Variants in KAZN observed in about 807,000 individuals in gnomAD.
The protein encoded by KAZN is kazrin, periplakin interacting protein, also known as kazrin.
In KAZN, 40 loss-of-function variants were observed where a neutral mutation model predicts 87.4. The ratio of observed to expected loss-of-function variants is 0.46; its 90% CI spans 0.36 to 0.60. The LOEUF is 0.60. Ranked by LOEUF, KAZN falls within the 20% of genes least tolerant of loss-of-function variation. The probability of loss-of-function intolerance (pLI) is 0.00; values close to 1 mark genes in which losing one functional copy is unlikely to be tolerated. For synonymous variants in KAZN, 466 were observed against 458.3 expected (o/e 1.02, Z -0.22); for missense variants, 898 against 1,073.9 (o/e 0.84, Z 2.29).
intron 1 of KAZN, among the ~76,000 whole-genome samples, chr1:14,623,198 A>G (rs1189020164): frequency 6.6e-5 from 10 of 152,232 alleles, no homozygotes; most frequent in Non-Finnish European, 1.5e-5. Flanking sequence ...CACTATTCAC[A>G]ATAGCAAAGA....
intron 2 of KAZN, among the ~76,000 whole-genome samples, chr1:14,583,825 C>T (rs984274844): frequency 2.0e-5 from 3 of 152,136 alleles, no homozygotes; most frequent in Admixed American, 1.3e-4. Flanking sequence ...ACAAGCTAGA[C>T]ATTTGTATTC....
intron 2 of KAZN, among the ~76,000 whole-genome samples, chr1:14,257,954 A>C: frequency 7.3e-6 from 1 of 136,632 alleles, no homozygotes; most frequent in South Asian, 2.4e-4. Flanking sequence ...AAAAAAAAAA[A>C]ACATTAAAAA....
intron 1 of KAZN, among the ~76,000 whole-genome samples, chr1:14,639,293 T>TA (rs1680246138): frequency 1.3e-5 from 2 of 152,260 alleles, no homozygotes; most frequent in South Asian, 4.1e-4. Flanking sequence ...AATCTGTCAA[T>TA]ATCCCCACTG....
chr1:14,481,497 C>T (rs917858661), intron 2 of KAZN, among the ~76,000 whole-genome samples: 12 of 152,046 alleles, frequency 7.9e-5, no homozygotes, highest in Non-Finnish European at 1.6e-4. Flanking sequence ...ATCTCCTGAA[C>T]CTCAGAGGTC....
chr1:14,444,603 G>T (rs532872884), intron 2 of KAZN, among the ~76,000 whole-genome samples: 1 of 152,034 alleles, frequency 6.6e-6, no homozygotes, highest in Non-Finnish European at 1.5e-5. Context: ...GTGAGCCACC[G>T]CGTCCGGCCC....
chr1:14,647,904 G>C (rs1261833436), intron 1 of KAZN, among the ~76,000 whole-genome samples: 1 of 152,168 alleles, frequency 6.6e-6, no homozygotes, highest in African/African-American at 2.4e-5. Context: ...AGGGTGGTGT[G>C]ATCATTCTCC....
chr1:15,038,729 G>A (rs1023630159), intron 3 of KAZN, among the ~76,000 whole-genome samples: 10 of 152,096 alleles, frequency 6.6e-5, no homozygotes, highest in African/African-American at 1.7e-4. Context: ...AGGCATGACC[G>A]TGACAGTACC....
intron 13 of KAZN, among the ~76,000 whole-genome samples, chr1:15,111,508 C>T (rs1379327720): frequency 1.3e-5 from 2 of 152,096 alleles, no homozygotes; most frequent in African/African-American, 4.8e-5. Flanking sequence ...GAACTCCTGG[C>T]CTCAAGTGAT....
chr1:14,247,440 T>C (rs1440803845), intron 2 of KAZN, among the ~76,000 whole-genome samples: 2 of 152,216 alleles, frequency 1.3e-5, no homozygotes, highest in African/African-American at 4.8e-5. Context: ...CCTGAACTAA[T>C]TTCTTCTGAA....
chr1:15,051,725 C>T (rs1242063083), intron 4 of KAZN, among the ~76,000 whole-genome samples: 1 of 152,140 alleles, frequency 6.6e-6, no homozygotes, highest in Non-Finnish European at 1.5e-5. Flanking sequence ...CAGACAGAGC[C>T]CAAGCTCCAA....
chr1:15,060,206 C>T lies in KAZN; in HGVS notation c.951C>T (p.Pro317=), dbSNP rs1488537142. The T allele has an allele frequency of 3.1e-6, 5 of 1,614,252 alleles. No individual in the cohort carries two copies. Among genetic ancestry groups the T allele is most frequent in the Non-Finnish European group, 4.2e-6 (5 of 1,180,040 alleles). Residue 317 remains proline, a synonymous_variant, in exon 6 of 15, where the codon CCC becomes CCT. Transcript: ENST00000376030. ...TGAGCCCCTGCCACTCCCGGCAGCC[C>T]TCTGTCATCTCCGACGCATCTGCCG... The part of the protein sequence containing the change: ...VRVSPCHSRQ[P]SVISDASAAE...
At chr1:14,457,401 A>G (rs1283452404) in intron 2 of KAZN, among the ~76,000 whole-genome samples, 1 of 152,176 alleles carries the variant, frequency 6.6e-6, no homozygotes, top group Admixed American at 6.5e-5. Flanking sequence ...AGTTATTTGT[A>G]CATCTATATT....
chr1:14,002,452 T>G (rs1371539090), intron 1 of KAZN, among the ~76,000 whole-genome samples: 1 of 152,246 alleles, frequency 6.6e-6, no homozygotes, highest in Non-Finnish European at 1.5e-5. Context: ...GGCTTTTGCT[T>G]CTTCCTCATT....
chr1:14,193,721 T>C (rs1646470380), intron 2 of KAZN, among the ~76,000 whole-genome samples: 1 of 151,906 alleles, frequency 6.6e-6, no homozygotes, highest in Non-Finnish European at 1.5e-5. Context: ...TTTCTTTTTT[T>C]CTTAGTTTAA....
chr1:14,433,132 T>G (rs1242699276), intron 2 of KAZN, among the ~76,000 whole-genome samples: 1 of 152,134 alleles, frequency 6.6e-6, no homozygotes, highest in Non-Finnish European at 1.5e-5. Context: ...AATACACATG[T>G]TGTAGCATGC....
chr1:14,887,741 C>T (rs1408364288), intron 1 of KAZN, among the ~76,000 whole-genome samples: 1 of 150,494 alleles, frequency 6.6e-6, no homozygotes, highest in Non-Finnish European at 1.5e-5. Context: ...TACTTGATCA[C>T]TTTTTTCCTT....
intron 1 of KAZN, among the ~76,000 whole-genome samples, chr1:13,953,715 CTT>C (rs933765304): frequency 1.3e-5 from 2 of 152,064 alleles, no homozygotes; most frequent in Non-Finnish European, 2.9e-5. Flanking sequence ...GTGGTGGACT[CTT>C]TTAATCTGAA....
chr1:14,733,049 C>T (rs1168272221), intron 1 of KAZN, among the ~76,000 whole-genome samples: 2 of 152,036 alleles, frequency 1.3e-5, no homozygotes, highest in Admixed American at 1.3e-4. Context: ...CCAAACAGCT[C>T]CCTGGGTGGT....
At position 15,065,541 on chromosome 1, in the gene KAZN, C is replaced by G. The variant is rs982869432; in HGVS notation, c.1099-89C>G. ...AAGCTCAGAGAGGCCTTCCCCACCC[C>G]GGATCCCATCCACTGCAGTCTGCAC... On this transcript the variant is annotated intron_variant, in intron 7 of 14. Coordinates refer to ENST00000376030, the MANE Select transcript of KAZN (RefSeq NM_201628.3). 7 of 1,183,320 alleles carry G rather than the reference C, an allele frequency of 5.9e-6. No individual in the cohort carries two copies. In the Admixed American group the frequency reaches 6.2e-5, roughly 11 times the overall value. The allele number at this position is 1,183,320 out of a possible 1,614,324, so 73.3% of individuals were successfully genotyped here. A position where few individuals can be genotyped will look rare whatever the true frequency, so the allele number is the denominator to read the frequency against.
Sources: allele counts gnomAD v4.1 joint callset (sites outside exome capture counted in the v4.1 genomes callset), GRCh38; gene constraint gnomAD v4.1.1; transcripts MANE v1.5; gene names NCBI Gene and HGNC (gene_info 2026-07-23, HGNC 2026-07-21).